Variants in FRMD6 observed in about 807,000 individuals in gnomAD.
FRMD6 encodes FERM domain containing 6, also known as FERM domain-containing protein 6.
A neutral mutation model predicts 73.2 loss-of-function variants in FRMD6; 37 were observed. The observed-to-expected ratio is 0.51, with a 90% CI of 0.39 to 0.66. FRMD6 has a LOEUF of 0.66. Among genes scored for constraint, FRMD6 ranks in the 30% least tolerant of loss-of-function variants. The pLI, the probability that FRMD6 is intolerant of heterozygous loss-of-function variation, is 0.00. For synonymous variants in FRMD6, 273 were observed against 282.2 expected, an observed-to-expected ratio of 0.97 and a Z score of 0.33; for missense variants, 714 against 780.5, an observed-to-expected ratio of 0.91 and a Z score of 1.02.
At chr14:51,630,950 T>C (rs559891633) in intron 2 of FRMD6, among the ~76,000 whole-genome samples, 36 of 152,246 alleles carry the variant, frequency 2.4e-4, no homozygotes, top group Admixed American at 1.8e-3. Flanking sequence ...CTTCAAACCC[T>C]GAGGACCAAG....
chr14:51,491,952 T>G (rs11623875), intron 1 of FRMD6, among the ~76,000 whole-genome samples: 92,820 of 152,114 alleles, frequency 0.61, 28,584 homozygotes, highest in South Asian at 0.69. Flanking sequence ...TCTCCAAGTG[T>G]CCTGTCGTGC....
At chr14:51,530,407 A>T (rs1440648205) in intron 1 of FRMD6, among the ~76,000 whole-genome samples, 1 of 152,246 alleles carries the variant, frequency 6.6e-6, no homozygotes, top group Non-Finnish European at 1.5e-5. Context: ...TAACAGGTAG[A>T]TATTAATAAG....
chr14:51,436,363 GGGA>G, the FRMD6 span: 1 of 421,976 alleles, frequency 2.4e-6, no homozygotes, highest in Admixed American at 3.1e-5. Flanking sequence ...GCACTGCTTG[GGGA>G]GGAGGACGAA....
the FRMD6 span, among the ~76,000 whole-genome samples, chr14:51,418,352 T>G: frequency 1.3e-5 from 2 of 152,206 alleles, no homozygotes; most frequent in African/African-American, 4.8e-5. Flanking sequence ...GTGGATGTCC[T>G]TTTTGCTGAT....
chr14:51,727,862 A>G lies in FRMD6; in HGVS notation c.1702A>G (p.Ser568Gly). 6.2e-7 allele frequency: 1 copy of G among 1,614,242 alleles called. No individual in the cohort carries two copies. The change falls in exon 14 of 14, where the codon AGT (serine) becomes GGT (glycine). Residue 568 changes from serine (S) to glycine (G), a missense_variant. By Grantham distance (56) the Ser-to-Gly change is moderately conservative. Transcript: ENST00000344768. ...IAGLCQDTAQ[S>G]YTFGCGHELD... The stretch of plus-strand genomic sequence containing the variant: ...AGGTCTGTGTCAGGACACTGCTCAG[A>G]GTTACACCTTTGGATGTGGCCATGA...
At chr14:51,589,840 G>A (rs188147825) in intron 2 of FRMD6, among the ~76,000 whole-genome samples, 9 of 152,270 alleles carry the variant, frequency 5.9e-5, no homozygotes, top group East Asian at 1.9e-4. Flanking sequence ...AGGCTGAGGC[G>A]GGTGGATCAC....
At chr14:51,401,684 C>G in the FRMD6 span, among the ~76,000 whole-genome samples, 1 of 151,846 alleles carries the variant, frequency 6.6e-6, no homozygotes, top group South Asian at 2.1e-4. Context: ...CTAATGTCAA[C>G]AGGGCTCGAA....
At chr14:51,711,685 C>A in intron 8 of FRMD6, 89 bp downstream of exon 8, 1 of 904,786 alleles carries the variant, frequency 1.1e-6, no homozygotes, top group South Asian at 1.5e-5. Context: ...TTCAGTAGTT[C>A]ATTTTTGGCC....
chr14:51,470,454 T>A, the FRMD6 span, among the ~76,000 whole-genome samples: 1 of 152,022 alleles, frequency 6.6e-6, no homozygotes, highest in Non-Finnish European at 1.5e-5. Flanking sequence ...GAGCCGAGAT[T>A]GCGCCACTGC....
At chr14:51,610,035 T>C (rs1378697375) in intron 2 of FRMD6, among the ~76,000 whole-genome samples, 3 of 152,172 alleles carry the variant, frequency 2.0e-5, no homozygotes, top group Middle Eastern at 3.2e-3. Flanking sequence ...GAGTCATTTC[T>C]GGTGCAAGCA....
At chr14:51,605,942 G>A (rs972861836) in intron 2 of FRMD6, among the ~76,000 whole-genome samples, 1 of 152,104 alleles carries the variant, frequency 6.6e-6, no homozygotes, top group Non-Finnish European at 1.5e-5. Context: ...TATTACTCAG[G>A]CTCCATGCTG....
the FRMD6 span, among the ~76,000 whole-genome samples, chr14:51,431,372 A>G: frequency 6.7e-6 from 1 of 149,436 alleles, no homozygotes; most frequent in African/African-American, 2.6e-5. Flanking sequence ...ATGCAAATTG[A>G]TATGTTTTCA....
the FRMD6 span, among the ~76,000 whole-genome samples, chr14:51,478,782 G>A: frequency 2.6e-5 from 4 of 152,142 alleles, no homozygotes; most frequent in Admixed American, 1.3e-4. Flanking sequence ...GGAAGTCGGG[G>A]ACCACGAGGA....
At chr14:51,475,574 A>G in the FRMD6 span, among the ~76,000 whole-genome samples, 1 of 152,184 alleles carries the variant, frequency 6.6e-6, no homozygotes, top group African/African-American at 2.4e-5. Context: ...TGGTTTCTCT[A>G]TTTGTTGAAT....
In FRMD6 at chr14:51,704,925, TC is replaced by T; in HGVS notation, c.551del (p.Pro184HisfsTer14). The T allele has an allele frequency of 6.2e-7, 1 of 1,606,014 alleles. No homozygotes were observed. On this transcript the variant is annotated frameshift_variant, in exon 6 of 14. Transcript: ENST00000344768. LOFTEE classifies it high-confidence loss of function. ...YGKYFEPEAY[F>X]PSWVVSKRGK... ...AAATACTTCGAGCCAGAGGCTTACT[TC>T]CCATCTTGGGTAAGCACTGTTTTCA...
At chr14:51,453,734 TA>T in the FRMD6 span, among the ~76,000 whole-genome samples, 2 of 152,138 alleles carry the variant, frequency 1.3e-5, no homozygotes, top group African/African-American at 4.8e-5. Flanking sequence ...GTAAACAAGG[TA>T]CAACCTGCTC....
At chr14:51,652,040 A>G (rs1278414290) in intron 1 of FRMD6, 44 bp downstream of exon 1, 1 of 151,666 alleles carries the variant, frequency 6.6e-6, no homozygotes, top group Admixed American at 6.6e-5. Flanking sequence ...CGCTCGCCCC[A>G]TCGCTCAGCC....
chr14:51,583,834 G>T (rs372772593), intron 2 of FRMD6, among the ~76,000 whole-genome samples: 1 of 152,164 alleles, frequency 6.6e-6, no homozygotes, highest in Non-Finnish European at 1.5e-5. Flanking sequence ...ATGGCCTAAG[G>T]TTTGAGCTGT....
At chr14:51,515,720 G>A (rs1377928564) in intron 1 of FRMD6, among the ~76,000 whole-genome samples, 1 of 152,182 alleles carries the variant, frequency 6.6e-6, no homozygotes, top group African/African-American at 2.4e-5. Flanking sequence ...CAGGATAACA[G>A]AGCTGCTACT....
Sources: gnomAD v4.1 joint callset for allele counts (sites outside exome capture counted in the v4.1 genomes callset) on GRCh38, gnomAD v4.1.1 for gene constraint, MANE v1.5 for transcripts, NCBI Gene and HGNC (gene_info 2026-07-23, HGNC 2026-07-21) for gene names.